GLE1: variants seen among roughly 807,000 people sequenced by gnomAD.
GLE1 encodes mRNA export factor GLE1.
GLE1 carries 78 observed loss-of-function variants against 97.3 expected under a neutral mutation model. The ratio of observed to expected loss-of-function variants is 0.80; its 90% CI spans 0.67 to 0.97. The LOEUF (loss-of-function observed/expected upper bound fraction) is 0.97. Ranked by LOEUF, GLE1 falls within the 50% of genes least tolerant of loss-of-function variation. The pLI is 0.00. For missense variants in GLE1, 753 were observed against 857.5 expected (o/e 0.88, Z 1.52); for synonymous variants, 302 against 313.4 (o/e 0.96, Z 0.39).
At chr9:128,505,241 C>T (rs989065501) in intron 1 of GLE1, among the ~76,000 whole-genome samples, 16 of 152,162 alleles carry the variant, frequency 1.1e-4, no homozygotes, top group Admixed American at 1.0e-3. Context: ...GTGCTGGGAG[C>T]TCTAGAGTTT....
In GLE1 at chr9:128,533,816, T is replaced by G. The variant is rs1847604748; in HGVS notation, c.1511T>G (p.Val504Gly). The G allele has an allele frequency of 6.8e-6, 11 of 1,614,090 alleles. No homozygotes were observed. Among genetic ancestry groups the G allele is most frequent in the Non-Finnish European group, 9.3e-6 (11 of 1,179,940 alleles). The change falls in exon 11 of 16, where the codon GTT (valine) becomes GGT (glycine). Residue 504 changes from valine (V) to glycine (G), a missense_variant. Transcript: ENST00000309971. ...SHHEAAFPIA[V>G]VASGIWELHP... ...CATGAAGCAGCATTCCCCATTGCAG[T>G]TGTGGCATCCGGGATCTGGGAGCTC...
In GLE1 at chr9:128,504,758, T is replaced by A. The variant is rs1335574468; in HGVS notation, c.-48T>A. The A allele has an allele frequency of 2.3e-6, 3 of 1,281,138 alleles. No individual in the cohort carries two copies. The highest frequency in any genetic ancestry group is 3.4e-6 in the Non-Finnish European group (3 of 878,192). The allele number at this position is 1,281,138 out of a possible 1,614,324, so 79.4% of individuals were successfully genotyped here. ...CCTTCCCGGCGGCTGATTCGAGGGC[T>A]TGTTTGGTCAGAAGGGGGGCGTCAG... On this transcript the variant is annotated 5_prime_UTR_variant, in exon 1 of 16. The change creates a new upstream start codon in the 5' untranslated region. Transcript: ENST00000309971.
chr9:128,540,440 T>C, intron 15 of GLE1, 102 bp downstream of exon 15: 1 of 782,764 alleles, frequency 1.3e-6, no homozygotes, highest in Non-Finnish European at 2.3e-6. Context: ...TGCACTCTCT[T>C]CCTTAGTTCT....
At chr9:128,538,644 A>C (rs1847795838) in intron 13 of GLE1, among the ~76,000 whole-genome samples, 1 of 152,170 alleles carries the variant, frequency 6.6e-6, no homozygotes, top group African/African-American at 2.4e-5. Context: ...TAAAAATAAA[A>C]AATCAGCCGG....
chr9:128,524,625 C>T (rs577418955), intron 6 of GLE1, among the ~76,000 whole-genome samples: 91 of 133,734 alleles, frequency 6.8e-4, no homozygotes, highest in South Asian at 1.8e-3. Context: ...GATCATGGCT[C>T]ACTTCAACCT....
intron 1 of GLE1, among the ~76,000 whole-genome samples, chr9:128,507,558 T>G (rs1169969267): frequency 1.4e-5 from 2 of 141,144 alleles, no homozygotes; most frequent in East Asian, 2.1e-4. Context: ...CACTCCAGCC[T>G]GGGGAACAGA....
intron 2 of GLE1, 132 bp from the exon 3 acceptor site, chr9:128,515,397 A>ATTTTTTTTTTTTTTTTTTT: frequency 3.4e-6 from 2 of 596,922 alleles, no homozygotes; most frequent in South Asian, 1.9e-5. Flanking sequence ...TCTGACCTAA[A>ATTTTTTTTTTTTTTTTTTT]TTTTTTTTTT....
At chr9:128,510,346 A>C (rs2132410873) in intron 2 of GLE1, among the ~76,000 whole-genome samples, 1 of 151,090 alleles carries the variant, frequency 6.6e-6, no homozygotes, top group African/African-American at 2.4e-5. Flanking sequence ...CTCCCACCTC[A>C]GCCTCCTGAG....
intron 3 of GLE1, among the ~76,000 whole-genome samples, chr9:128,521,370 T>C (rs1847147584): frequency 6.6e-6 from 1 of 151,808 alleles, no homozygotes; most frequent in South Asian, 2.1e-4. Flanking sequence ...CCTGACTCTA[T>C]AAAAAATTTA....
intron 9 of GLE1, among the ~76,000 whole-genome samples, chr9:128,528,481 T>C (rs1214152625): frequency 1.3e-5 from 2 of 151,826 alleles, no homozygotes; most frequent in Non-Finnish European, 2.9e-5. Context: ...TTTTTTGTAT[T>C]TTTAGTAGAC....
intron 2 of GLE1, among the ~76,000 whole-genome samples, chr9:128,511,486 T>G (rs895451545): frequency 2.0e-5 from 3 of 151,210 alleles, no homozygotes; most frequent in African/African-American, 7.3e-5. Context: ...GGCGGGTGGA[T>G]CACTAGGTCA....
intron 3 of GLE1, among the ~76,000 whole-genome samples, chr9:128,518,522 C>T (rs1847049398): frequency 6.6e-6 from 1 of 151,996 alleles, no homozygotes; most frequent in Admixed American, 6.6e-5. Context: ...AATCGCACCA[C>T]TGTACTCCAG....
chr9:128,510,731 G>A (rs1376585586), intron 2 of GLE1, among the ~76,000 whole-genome samples: 1 of 141,534 alleles, frequency 7.1e-6, no homozygotes, highest in East Asian at 2.2e-4. Flanking sequence ...ATTTTGCCAT[G>A]TTGTCCAGTC....
rs191991332 is a variant in GLE1 at position 128,523,545 on chromosome 9, A to C, written c.643-47A>C. ...AGAATTTGAGGACTGTAGAAAGAAG[A>C]AGCCCAGGAACCCCTCAGAGAGAAG... is the stretch of plus-strand genomic sequence containing the variant. On this transcript the variant is annotated intron_variant, in intron 5 of 15. Coordinates refer to ENST00000309971, the MANE Select transcript of GLE1 (RefSeq NM_001003722.2). 894 of 1,610,874 alleles carry C rather than the reference A, an allele frequency of 5.5e-4. 4 individuals are homozygous for C. Among genetic ancestry groups the C allele is most frequent in the South Asian group, 4.8e-3 (440 of 90,792 alleles).
chr9:128,526,224 G>A (rs563490266), intron 7 of GLE1, among the ~76,000 whole-genome samples: 3 of 151,868 alleles, frequency 2.0e-5, no homozygotes, highest in South Asian at 2.1e-4. Flanking sequence ...ATTTCACCAC[G>A]TTGGCCAGGC....
intron 2 of GLE1, among the ~76,000 whole-genome samples, chr9:128,512,672 C>CT (rs1000954448): frequency 8.5e-4 from 123 of 144,304 alleles, no homozygotes; most frequent in South Asian, 1.8e-3. Flanking sequence ...TTGCTGAGGT[C>CT]TTTTTTTTTT....
intron 9 of GLE1, among the ~76,000 whole-genome samples, chr9:128,530,770 G>A (rs183647512): frequency 1.8e-4 from 28 of 151,970 alleles, no homozygotes; most frequent in African/African-American, 6.3e-4. Context: ...TTAGCTGGGC[G>A]TGGTGGCAGG....
In GLE1 at chr9:128,539,480, G is replaced by A. The variant is rs73669917; in HGVS notation, c.1882-136G>A. The stretch of plus-strand genomic sequence containing the variant: ...GTTGGGTGTTTCCATTTATTCCCTT[G>A]TTAGCAAGTTCAGTGGCATTGTGGT... On this transcript the variant is annotated intron_variant, in intron 13 of 15. Transcript: ENST00000309971. The A allele has an allele frequency of 1.4e-3, 1,020 of 732,162 alleles. 9 individuals carry two copies. The African/African-American group carries it at 0.015, about 11-fold the overall frequency. 45.4% of individuals were successfully genotyped at this position (732,162 alleles called of 1,614,324 possible). A position where few individuals can be genotyped will look rare whatever the true frequency, so the allele number is the denominator to read the frequency against.
rs546757787 is a variant in GLE1, at chr9:128,514,916, A to G, written c.322-613A>G. On this transcript the variant is annotated intron_variant, in intron 2 of 15. Coordinates refer to ENST00000309971, the MANE Select transcript of GLE1 (RefSeq NM_001003722.2). ...ACTACAGCCTCCGCCTCCTGGGTTC[A>G]AGGGATTCTCCTGCCTTAGCCTGCC... 3.0e-3 allele frequency among the ~76,000 whole-genome samples: 455 copies of G among 152,038 alleles called. 3 individuals are homozygous for G. Among genetic ancestry groups the G allele is most frequent in the Non-Finnish European group, 4.7e-3 (318 of 67,996 alleles).
Sources: gnomAD v4.1 joint callset for allele counts (sites outside exome capture counted in the v4.1 genomes callset) on GRCh38, gnomAD v4.1.1 for gene constraint, MANE v1.5 for transcripts, NCBI Gene and HGNC (gene_info 2026-07-23, HGNC 2026-07-21) for gene names.